The following NOS1AP variants were observed in gnomAD, a reference collection of about 807,000 sequenced individuals.
NOS1AP encodes the protein nitric oxide synthase 1 adaptor protein.
A neutral mutation model predicts 56.2 loss-of-function variants in NOS1AP; 21 were observed. The observed-to-expected ratio is 0.37, with a 90% CI of 0.26 to 0.54. The LOEUF (loss-of-function observed/expected upper bound fraction) is 0.54. NOS1AP is among the 20% of genes least tolerant of loss of function. NOS1AP has a pLI of 0.84. For synonymous variants in NOS1AP, 270 were observed against 274.6 expected (o/e 0.98, Z 0.17); for missense variants, 522 against 657.8 (o/e 0.79, Z 2.26).
intron 2 of NOS1AP, among the ~76,000 whole-genome samples, chr1:162,230,683 G>A (rs1164867127): frequency 6.6e-6 from 1 of 152,076 alleles, no homozygotes; most frequent in South Asian, 2.1e-4. Context: ...AGTTAACCAC[G>A]ATTCTCATTA....
chr1:162,318,718 A>G (rs918274353), intron 4 of NOS1AP, among the ~76,000 whole-genome samples: 11 of 151,626 alleles, frequency 7.3e-5, no homozygotes, highest in African/African-American at 1.9e-4. Flanking sequence ...ATCCCAGTCT[A>G]TGCTCCTCTG....
chr1:162,294,192 G>A (rs1316016545), intron 3 of NOS1AP, among the ~76,000 whole-genome samples: 1 of 55,246 alleles, frequency 1.8e-5, no homozygotes, highest in Non-Finnish European at 5.7e-5. Flanking sequence ...AGGAAGGAAG[G>A]AAGTAAGGAA....
intron 4 of NOS1AP, among the ~76,000 whole-genome samples, chr1:162,328,797 C>T (rs1393157997): frequency 1.3e-5 from 2 of 152,204 alleles, no homozygotes; most frequent in Non-Finnish European, 2.9e-5. Flanking sequence ...GTAACTAGAA[C>T]CTCTTAAAAA....
At chr1:162,237,074 T>C (rs903167904) in intron 2 of NOS1AP, among the ~76,000 whole-genome samples, 21 of 152,232 alleles carry the variant, frequency 1.4e-4, no homozygotes. Flanking sequence ...CGTTTACCAC[T>C]GAGGCCAGCT....
intron 2 of NOS1AP, among the ~76,000 whole-genome samples, chr1:162,279,166 C>T (rs925005238): frequency 1.3e-5 from 2 of 152,190 alleles, no homozygotes; most frequent in African/African-American, 4.8e-5. Flanking sequence ...ATTGTTAGTA[C>T]TGGTACTCAT....
chr1:162,125,252 G>T (rs564502492), intron 1 of NOS1AP, among the ~76,000 whole-genome samples: 32 of 151,086 alleles, frequency 2.1e-4, no homozygotes, highest in Non-Finnish European at 4.4e-4. Context: ...TTTTGCCTCA[G>T]CCTCCTGAGT....
At chr1:162,209,737 G>A (rs1294637665) in intron 2 of NOS1AP, among the ~76,000 whole-genome samples, 2 of 151,992 alleles carry the variant, frequency 1.3e-5, no homozygotes, top group Admixed American at 6.5e-5. Flanking sequence ...CCATCTTCAA[G>A]TTTTGGAAAG....
intron 1 of NOS1AP, among the ~76,000 whole-genome samples, chr1:162,089,058 T>C (rs1315322120): frequency 6.6e-6 from 1 of 152,208 alleles, no homozygotes; most frequent in Non-Finnish European, 1.5e-5. Flanking sequence ...TATCTTTTAA[T>C]GCAAAATTGT....
chr1:162,121,829 G>A (rs532652410), intron 1 of NOS1AP, among the ~76,000 whole-genome samples: 1 of 152,156 alleles, frequency 6.6e-6, no homozygotes, highest in Non-Finnish European at 1.5e-5. Context: ...TTGGGGATAT[G>A]GGATAATTGT....
At chr1:162,303,440 T>C (rs1208835761) in intron 4 of NOS1AP, among the ~76,000 whole-genome samples, 2 of 152,198 alleles carry the variant, frequency 1.3e-5, no homozygotes, top group South Asian at 4.1e-4. Context: ...ATATTAAATA[T>C]CATCTTTTTG....
intron 1 of NOS1AP, among the ~76,000 whole-genome samples, chr1:162,145,752 G>C (rs1210063255): frequency 1.3e-5 from 2 of 152,122 alleles, no homozygotes; most frequent in Non-Finnish European, 2.9e-5. Flanking sequence ...ATCTCAGCTG[G>C]GGGTTTCTAG....
At chr1:162,133,780 C>G (rs1648858985) in intron 1 of NOS1AP, among the ~76,000 whole-genome samples, 1 of 152,136 alleles carries the variant, frequency 6.6e-6, no homozygotes, top group South Asian at 2.1e-4. Flanking sequence ...AATGTTTTCT[C>G]CAGCTTTTCC....
intron 4 of NOS1AP, among the ~76,000 whole-genome samples, chr1:162,306,129 C>A (rs142110320): frequency 3.1e-4 from 47 of 152,276 alleles, no homozygotes; most frequent in African/African-American, 9.9e-4. Flanking sequence ...TATTAACCAA[C>A]CCTGGTGTGG....
chr1:162,361,479 G>A (rs1657904251), intron 8 of NOS1AP, among the ~76,000 whole-genome samples: 1 of 152,212 alleles, frequency 6.6e-6, no homozygotes, highest in Admixed American at 6.5e-5. Context: ...AGGCTATTTT[G>A]TCTCAGTATG....
chr1:162,070,296 G>A lies in NOS1AP; in HGVS notation c.105+14G>A, dbSNP rs756560055. On this transcript the variant is annotated intron_variant, in intron 1 of 9. Coordinates refer to ENST00000361897, the MANE Select transcript of NOS1AP (RefSeq NM_014697.3). ...TTTGAGGCCAAGGTGAGGGGGCTCC[G>A]GGGAGGGTGCTACCTGTGGTGGCGG... 112 of 1,602,352 alleles carry A rather than the reference G, an allele frequency of 7.0e-5. No individual in the cohort carries two copies. Among genetic ancestry groups the A allele is most frequent in the Middle Eastern group, 1.6e-4 (1 of 6,064 alleles).
At chr1:162,256,775 T>C (rs1275843561) in intron 2 of NOS1AP, among the ~76,000 whole-genome samples, 4 of 152,218 alleles carry the variant, frequency 2.6e-5, no homozygotes, top group African/African-American at 9.6e-5. Context: ...TCATTTCTCA[T>C]GAAGTCTTAG....
intron 2 of NOS1AP, among the ~76,000 whole-genome samples, chr1:162,267,000 T>A (rs1270092786): frequency 6.6e-6 from 1 of 152,184 alleles, no homozygotes; most frequent in East Asian, 1.9e-4. Flanking sequence ...TTCTATAACA[T>A]TAATATAATG....
At chr1:162,165,844 T>C (rs58235082) in intron 2 of NOS1AP, among the ~76,000 whole-genome samples, 42 of 152,370 alleles carry the variant, frequency 2.8e-4, no homozygotes, top group African/African-American at 9.9e-4. Flanking sequence ...GAGACTTGTA[T>C]ATTCTGTGTG....
chr1:162,169,123 C>T (rs1307980722), intron 2 of NOS1AP, among the ~76,000 whole-genome samples: 1 of 152,228 alleles, frequency 6.6e-6, no homozygotes, highest in African/African-American at 2.4e-5. Flanking sequence ...GATGAGCGCC[C>T]TCCGTGCATG....
Sources: allele counts gnomAD v4.1 joint callset (sites outside exome capture counted in the v4.1 genomes callset), GRCh38; gene constraint gnomAD v4.1.1; transcripts MANE v1.5; gene names NCBI Gene and HGNC (gene_info 2026-07-23, HGNC 2026-07-21).